SLIT3: variants seen among roughly 807,000 people sequenced by gnomAD.
SLIT3 encodes slit homolog 3 protein.
Under a neutral mutation model 184.0 loss-of-function variants are expected in SLIT3, and 68 were observed. That is an observed-to-expected ratio of 0.37 (90% CI 0.30 to 0.45). The LOEUF is 0.45. Ranked by LOEUF, SLIT3 falls within the 20% of genes least tolerant of loss-of-function variation. SLIT3 has a pLI of 1.00. For synonymous variants in SLIT3, 831 were observed against 828.6 expected (o/e 1.00, Z -0.05); for missense variants, 1,707 against 2,026.0 (o/e 0.84, Z 3.02).
rs1258932148 is a variant in SLIT3 at position 168,671,488 on chromosome 5, G to A, written c.3842-5C>T. 3 of 1,608,204 alleles carry A rather than the reference G, an allele frequency of 1.9e-6. No homozygotes were observed. The highest frequency in any genetic ancestry group is 1.1e-5 in the South Asian group (1 of 90,078). On this transcript the variant is annotated splice_region_variant and splice_polypyrimidine_tract_variant and intron_variant, in intron 33 of 35. Coordinates refer to ENST00000519560, the MANE Select transcript of SLIT3 (RefSeq NM_003062.4). Reference sequence around the variant, plus strand: ...GGCCGGTGGAGGTGGGGATGCCTGTGGGAGGGGAGCCAGGACAGTGGCCTG... The same window carrying A: ...GGCCGGTGGAGGTGGGGATGCCTGTAGGAGGGGAGCCAGGACAGTGGCCTG...
At chr5:169,006,828 G>A (rs1395774812) in intron 4 of SLIT3, among the ~76,000 whole-genome samples, 3 of 151,998 alleles carry the variant, frequency 2.0e-5, no homozygotes, top group Non-Finnish European at 4.4e-5. Flanking sequence ...CATGAGAGTC[G>A]AGCCCCTTGG....
Position 168,753,907 on chromosome 5 carries a change from C to T in SLIT3, c.1786G>A (p.Val596Met), listed in dbSNP as rs562240210. Reference protein sequence around the residue: ...LMLTGNQLETVHGRVFRGLSG... With the variant: ...LMLTGNQLETMHGRVFRGLSG... Reference sequence around the variant, plus strand: ...AGGCCACGGAACACGCGCCCGTGCACGGTCTCCAGCTGGTTCCCTGTCAGC... The same window carrying T: ...AGGCCACGGAACACGCGCCCGTGCATGGTCTCCAGCTGGTTCCCTGTCAGC... Residue 596 changes from valine (V) to methionine (M), a missense_variant, in exon 17 of 36, where the codon GTG (valine) becomes ATG (methionine). Val to Met is a conservative substitution (Grantham distance 21). Transcript: ENST00000519560. 1.2e-4 allele frequency: 193 copies of T among 1,612,078 alleles called. No homozygotes were observed. Among genetic ancestry groups the T allele is most frequent in the Admixed American group, 7.7e-4 (46 of 60,034 alleles).
intron 1 of SLIT3, among the ~76,000 whole-genome samples, chr5:169,270,061 G>A (rs113621621): frequency 6.6e-6 from 1 of 152,116 alleles, no homozygotes; most frequent in African/African-American, 2.4e-5. Context: ...AAACATCCAT[G>A]AAGACCCACA....
intron 4 of SLIT3, among the ~76,000 whole-genome samples, chr5:169,028,872 C>CA (rs1756927951): frequency 1.3e-5 from 2 of 152,152 alleles, no homozygotes. Flanking sequence ...GCAACACTAG[C>CA]AAAAGCAGCC....
intron 4 of SLIT3, among the ~76,000 whole-genome samples, chr5:169,050,749 G>A (rs186641088): frequency 1.8e-4 from 27 of 151,726 alleles, no homozygotes; most frequent in African/African-American, 5.3e-4. Flanking sequence ...CAACTGTAAC[G>A]TGTAGATTTC....
At position 169,138,433 on chromosome 5, in the gene SLIT3, CCT is replaced by C. The variant is rs1761602110; in HGVS notation, c.413+55044_413+55045del. On this transcript the variant is annotated intron_variant, in intron 4 of 35. Transcript: ENST00000519560. ...GCCACATATCTGCCTGGCTTCCTCC[CCT>C]GTCTTCTCCTGCTGCCCCCATTTCT... Among the ~76,000 whole-genome samples, 2 of 152,148 alleles carry C rather than the reference CCT, an allele frequency of 1.3e-5. 1 individual carries two copies. The highest frequency in any genetic ancestry group is 4.1e-4 in the South Asian group (2 of 4,824).
rs1755205036 is a variant in SLIT3 at position 168,762,770 on chromosome 5, A to G, written c.1460-81T>C. On this transcript the variant is annotated intron_variant, in intron 14 of 35. Transcript: ENST00000519560. ...AGGTTGTGGGTAGTGGGGGTGGGAG[A>G]CAGAGATGGGGGAATGAGTTGGGGG... is the stretch of plus-strand genomic sequence containing the variant. 2.1e-6 allele frequency: 3 copies of G among 1,438,990 alleles called. No homozygotes were observed. The Admixed American group carries it at 5.1e-5, about 25-fold the overall frequency. The allele number at this position is 1,438,990 out of a possible 1,614,324, so 89.1% of individuals were successfully genotyped here.
Position 168,671,275 on chromosome 5 carries a change from G to A in SLIT3, c.4050C>T (p.Ser1350=), listed in dbSNP as rs536872426. The A allele has an allele frequency of 5.3e-5, 85 of 1,613,700 alleles. No homozygotes were observed. Among genetic ancestry groups the A allele is most frequent in the Admixed American group, 1.0e-4 (6 of 60,012 alleles). ...HGLCRSVEKD[S]VVCECRPGWT... ...AGCCTGGGCGGCACTCGCACACCAC[G>A]CTGTCCTTCTCCACGGAGCGGCACA... Residue 1350 remains serine (S), a synonymous_variant, in exon 34 of 36, where the codon AGC becomes AGT. Coordinates refer to ENST00000519560, the MANE Select transcript of SLIT3 (RefSeq NM_003062.4).
intron 3 of SLIT3, among the ~76,000 whole-genome samples, chr5:169,194,324 G>C (rs1015238408): frequency 6.6e-6 from 1 of 151,114 alleles, no homozygotes; most frequent in South Asian, 2.1e-4. Flanking sequence ...AACAGTGATT[G>C]TGGGAGCAGA....
At chr5:168,931,692 T>C (rs1287294850) in intron 4 of SLIT3, among the ~76,000 whole-genome samples, 1 of 152,222 alleles carries the variant, frequency 6.6e-6, no homozygotes, top group African/African-American at 2.4e-5. Flanking sequence ...CCAGCTTTCA[T>C]AGCTCTGTCC....
chr5:168,698,287 T>C (rs1164102958), intron 27 of SLIT3, among the ~76,000 whole-genome samples: 2 of 152,206 alleles, frequency 1.3e-5, no homozygotes, highest in African/African-American at 2.4e-5. Context: ...TATTTTGAAA[T>C]AGGATCTTTG....
At chr5:169,194,419 C>T (rs1763676375) in intron 3 of SLIT3, among the ~76,000 whole-genome samples, 1 of 152,062 alleles carries the variant, frequency 6.6e-6, no homozygotes, top group Non-Finnish European at 1.5e-5. Flanking sequence ...CATCTTGGCT[C>T]TGTGGACCAG....
intron 4 of SLIT3, among the ~76,000 whole-genome samples, chr5:169,145,651 A>G (rs1326986854): frequency 1.3e-5 from 2 of 152,224 alleles, no homozygotes; most frequent in African/African-American, 4.8e-5. Context: ...CTGCATACTC[A>G]TACATGCAGA....
At chr5:169,276,221 A>G (rs530078125) in intron 1 of SLIT3, among the ~76,000 whole-genome samples, 27 of 152,212 alleles carry the variant, frequency 1.8e-4, no homozygotes, top group African/African-American at 5.8e-4. Context: ...TCCCAGGTCT[A>G]TTTCCTTAAA....
chr5:168,874,915 G>A (rs1275402634), intron 5 of SLIT3, among the ~76,000 whole-genome samples: 1 of 152,188 alleles, frequency 6.6e-6, no homozygotes, highest in East Asian at 1.9e-4. Context: ...TGCTGTGCAT[G>A]TCTCCCCCTG....
At chr5:168,708,614 C>T (rs1580986934) in intron 25 of SLIT3, 2 of 166,448 alleles carry the variant, frequency 1.2e-5, no homozygotes, top group Non-Finnish European at 1.3e-5. Flanking sequence ...GAGGACACAG[C>T]GATGATGCTG....
At chr5:169,231,697 G>A (rs541277770) in intron 3 of SLIT3, among the ~76,000 whole-genome samples, 3 of 152,260 alleles carry the variant, frequency 2.0e-5, no homozygotes, top group Admixed American at 6.5e-5. Context: ...TTTTTGTAGG[G>A]TATGTACCCA....
At chr5:168,869,205 G>A (rs1220593928) in intron 5 of SLIT3, among the ~76,000 whole-genome samples, 1 of 152,132 alleles carries the variant, frequency 6.6e-6, no homozygotes, top group Non-Finnish European at 1.5e-5. Flanking sequence ...TTTGGAGCTG[G>A]GATTTGGATC....
intron 4 of SLIT3, among the ~76,000 whole-genome samples, chr5:168,922,389 G>A (rs966770217): frequency 6.0e-5 from 9 of 149,846 alleles, no homozygotes; most frequent in Admixed American, 2.0e-4. Flanking sequence ...CCCAGGAGGC[G>A]GAGCTTGCAG....
Sources: gnomAD v4.1 joint callset for allele counts (sites outside exome capture counted in the v4.1 genomes callset) on GRCh38, gnomAD v4.1.1 for gene constraint, MANE v1.5 for transcripts, NCBI Gene and HGNC (gene_info 2026-07-23, HGNC 2026-07-21) for gene names.